FRMD5: variants seen among roughly 807,000 people sequenced by gnomAD.
FRMD5 encodes FERM domain containing 5, also known as FERM domain-containing protein 5.
In FRMD5, 20 loss-of-function variants were observed where a neutral mutation model predicts 69.0. The ratio of observed to expected loss-of-function variants is 0.29; its 90% CI spans 0.20 to 0.42. The LOEUF is 0.42. FRMD5 is among the 10% of genes least tolerant of loss of function. The pLI, the probability that FRMD5 is intolerant of heterozygous loss-of-function variation, is 1.00. For missense variants in FRMD5, 595 were observed against 708.6 expected, an observed-to-expected ratio of 0.84 and a Z score of 1.82; for synonymous variants, 271 against 260.1, an observed-to-expected ratio of 1.04 and a Z score of -0.40.
At chr15:44,029,035 CTGACA>C (rs1392284576) in intron 1 of FRMD5, among the ~76,000 whole-genome samples, 5 of 152,174 alleles carry the variant, frequency 3.3e-5, no homozygotes, top group East Asian at 1.9e-4. Context: ...TTAACAGTGC[CTGACA>C]TAAGTAGGTA....
intron 1 of FRMD5, among the ~76,000 whole-genome samples, chr15:44,094,096 A>G (rs866666511): frequency 3.0e-4 from 46 of 152,258 alleles, no homozygotes; most frequent in Admixed American, 2.1e-3. Flanking sequence ...AACTGACTCA[A>G]GCCAGGCCAG....
At chr15:43,971,460 C>T (rs534317050) in intron 1 of FRMD5, among the ~76,000 whole-genome samples, 3 of 151,222 alleles carry the variant, frequency 2.0e-5, no homozygotes, top group South Asian at 4.2e-4. Context: ...GCCAAGAGGG[C>T]GGATCACGAG....
chr15:43,942,022 C>T (rs1286978533), intron 1 of FRMD5, among the ~76,000 whole-genome samples: 1 of 152,094 alleles, frequency 6.6e-6, no homozygotes, highest in African/African-American at 2.4e-5. Context: ...AGTTGAATCC[C>T]CAAAGCTTCA....
intron 1 of FRMD5, among the ~76,000 whole-genome samples, chr15:43,952,799 C>A (rs2090057472): frequency 1.3e-5 from 2 of 152,162 alleles, no homozygotes; most frequent in Non-Finnish European, 2.9e-5. Context: ...CTGGAATAAT[C>A]CACCCAGGAA....
intron 1 of FRMD5, among the ~76,000 whole-genome samples, chr15:44,117,798 A>C (rs542274892): frequency 3.0e-4 from 46 of 152,282 alleles, no homozygotes; most frequent in African/African-American, 9.6e-4. Context: ...AGCTGGGTGT[A>C]CTTCCTTTGT....
intron 1 of FRMD5, among the ~76,000 whole-genome samples, chr15:44,144,167 G>T (rs1326964421): frequency 6.6e-6 from 1 of 151,918 alleles, no homozygotes; most frequent in South Asian, 2.1e-4. Flanking sequence ...TTTCCTTCTC[G>T]TCTTCTTTTT....
chr15:44,005,483 A>G (rs1397885125), intron 1 of FRMD5, among the ~76,000 whole-genome samples: 2 of 151,738 alleles, frequency 1.3e-5, no homozygotes, highest in Admixed American at 6.6e-5. Context: ...AAAAAAAAAA[A>G]AAAAAAAAAA....
At chr15:44,124,833 T>C (rs1566959165) in intron 1 of FRMD5, among the ~76,000 whole-genome samples, 1 of 152,202 alleles carries the variant, frequency 6.6e-6, no homozygotes, top group East Asian at 1.9e-4. Context: ...TAAGACAGAC[T>C]TCAAAACAAC....
chr15:43,958,823 G>C (rs2090154216), intron 1 of FRMD5, among the ~76,000 whole-genome samples: 2 of 152,136 alleles, frequency 1.3e-5, no homozygotes, highest in African/African-American at 4.8e-5. Context: ...CCTATTGCTT[G>C]AGCTCCTGTT....
chr15:43,953,341 T>C (rs1415383743), intron 1 of FRMD5, among the ~76,000 whole-genome samples: 2 of 152,226 alleles, frequency 1.3e-5, no homozygotes, highest in Non-Finnish European at 2.9e-5. Flanking sequence ...TGGGATTTTC[T>C]CTGGTAGCAT....
intron 1 of FRMD5, among the ~76,000 whole-genome samples, chr15:43,997,853 T>C (rs1890007568): frequency 6.6e-6 from 1 of 152,166 alleles, no homozygotes; most frequent in African/African-American, 2.4e-5. Flanking sequence ...AATAAAACCA[T>C]AATGACAACA....
intron 1 of FRMD5, among the ~76,000 whole-genome samples, chr15:43,951,977 G>A (rs1476702501): frequency 7.7e-5 from 9 of 117,450 alleles, no homozygotes; most frequent in Non-Finnish European, 1.4e-4. Context: ...GTGTGTGTGT[G>A]TGTTGTGTGT....
chr15:44,055,814 C>T (rs1892847175), intron 1 of FRMD5, among the ~76,000 whole-genome samples: 1 of 152,162 alleles, frequency 6.6e-6, no homozygotes, highest in African/African-American at 2.4e-5. Flanking sequence ...AGTTTCTTCA[C>T]CTATACATTA....
At chr15:43,929,766 T>A (rs1321626762) in intron 1 of FRMD5, among the ~76,000 whole-genome samples, 1 of 152,216 alleles carries the variant, frequency 6.6e-6, no homozygotes, top group Non-Finnish European at 1.5e-5. Context: ...AGGGATGGGA[T>A]GGCATCTTAG....
chr15:44,174,887 C>A (rs890338475), intron 1 of FRMD5, among the ~76,000 whole-genome samples: 15 of 152,120 alleles, frequency 9.9e-5, no homozygotes, highest in African/African-American at 3.6e-4. Context: ...GGGAACATCA[C>A]ACACCGGGGC....
At chr15:43,913,327 G>C (rs1473212687) in intron 4 of FRMD5, among the ~76,000 whole-genome samples, 1 of 152,214 alleles carries the variant, frequency 6.6e-6, no homozygotes, top group Non-Finnish European at 1.5e-5. Context: ...GAGGGAAAAG[G>C]ATACACCAGT....
At chr15:44,045,761 T>C (rs1269567976) in intron 1 of FRMD5, among the ~76,000 whole-genome samples, 1 of 152,188 alleles carries the variant, frequency 6.6e-6, no homozygotes, top group Non-Finnish European at 1.5e-5. Context: ...GTAGTATTTG[T>C]CACCCATTCT....
intron 1 of FRMD5, among the ~76,000 whole-genome samples, chr15:43,976,939 T>C (rs2090473137): frequency 6.6e-6 from 1 of 152,120 alleles, no homozygotes; most frequent in Admixed American, 6.5e-5. Context: ...CAAGTGATTC[T>C]CCTGCCTCAG....
At chr15:43,978,699 C>T (rs901866345) in intron 1 of FRMD5, among the ~76,000 whole-genome samples, 14 of 151,954 alleles carry the variant, frequency 9.2e-5, no homozygotes, top group Non-Finnish European at 1.9e-4. Context: ...TTACAGGTAC[C>T]CACCACCACA....
Sources: gnomAD v4.1 joint callset for allele counts (sites outside exome capture counted in the v4.1 genomes callset) on GRCh38, gnomAD v4.1.1 for gene constraint, MANE v1.5 for transcripts, NCBI Gene and HGNC (gene_info 2026-07-23, HGNC 2026-07-21) for gene names.